Variants in SCAPER observed in about 807,000 individuals in gnomAD.
The protein encoded by SCAPER is S-phase cyclin A associated protein in the ER, also known as S phase cyclin A-associated protein in the endoplasmic reticulum.
Under a neutral mutation model 182.2 loss-of-function variants are expected in SCAPER, and 98 were observed. The observed-to-expected ratio is 0.54, with a 90% confidence interval of 0.46 to 0.64. The LOEUF (loss-of-function observed/expected upper bound fraction) is 0.64, where lower values mean the gene tolerates loss of function less well. Among genes scored for constraint, SCAPER ranks in the 30% least tolerant of loss-of-function variants. The pLI, the probability that SCAPER is intolerant of heterozygous loss-of-function variation, is 0.00. For synonymous variants in SCAPER, 605 were observed against 564.6 expected (o/e 1.07, Z -1.01); for missense variants, 1,432 against 1,690.0 (o/e 0.85, Z 2.68).
intron 22 of SCAPER, among the ~76,000 whole-genome samples, chr15:76,617,519 A>C (rs903693232): frequency 1.3e-5 from 2 of 152,212 alleles, no homozygotes; most frequent in South Asian, 4.1e-4. Context: ...CTCACCTAAC[A>C]TAACCAGCTA....
intron 20 of SCAPER, among the ~76,000 whole-genome samples, chr15:76,683,872 G>T (rs2147039115): frequency 6.6e-6 from 1 of 152,256 alleles, no homozygotes; most frequent in East Asian, 1.9e-4. Flanking sequence ...GGCTGAGGCA[G>T]GAGGACTGAC....
chr15:76,898,914 G>A (rs1464320187), intron 1 of SCAPER, among the ~76,000 whole-genome samples: 2 of 152,184 alleles, frequency 1.3e-5, no homozygotes, highest in African/African-American at 2.4e-5. Context: ...TTTATGGTAT[G>A]TGAAGTATAG....
chr15:76,659,472 A>G (rs1384226197), intron 21 of SCAPER, among the ~76,000 whole-genome samples: 5 of 152,112 alleles, frequency 3.3e-5, no homozygotes, highest in Non-Finnish European at 7.4e-5. Context: ...GTCTTGCTAT[A>G]TTGTCCAGGC....
At chr15:76,735,397 G>A (rs2061188665) in intron 15 of SCAPER, among the ~76,000 whole-genome samples, 1 of 151,798 alleles carries the variant, frequency 6.6e-6, no homozygotes, top group Non-Finnish European at 1.5e-5. Context: ...CAACAATTTG[G>A]AAGAAAATAA....
At chr15:76,677,888 G>C (rs1255865982) in intron 20 of SCAPER, among the ~76,000 whole-genome samples, 1 of 151,504 alleles carries the variant, frequency 6.6e-6, no homozygotes, top group Non-Finnish European at 1.5e-5. Context: ...TGACCAATAG[G>C]TTCATGATCT....
intron 4 of SCAPER, among the ~76,000 whole-genome samples, chr15:76,842,553 G>A (rs62029198): frequency 2.6e-5 from 4 of 152,132 alleles, no homozygotes; most frequent in Non-Finnish European, 4.4e-5. Context: ...GCTGAACTGT[G>A]AGTCAATTAA....
Position 76,753,905 on chromosome 15 carries a change from C to T in SCAPER, c.1769G>A (p.Arg590Gln), listed in dbSNP as rs1261962491. 4.3e-6 allele frequency: 7 copies of T among 1,613,030 alleles called. No individual in the cohort carries two copies. The highest frequency in any genetic ancestry group is 5.9e-6 in the Non-Finnish European group (7 of 1,179,274). ...RKWKEELLDQ[R>Q]RRMMEEKLLH... ...TAATTTTTCTTCCATCATCCTGCGT[C>T]GTTGATCTAGCAATTCTTCCTTCCA... is the stretch of plus-strand genomic sequence containing the variant. Residue 590 changes from arginine to glutamine, a missense_variant, in exon 15 of 32, where the codon CGA becomes CAA. By Grantham distance (43) the Arg-to-Gln change is conservative. Around this residue, in one of 5 missense-constraint regions of SCAPER, gnomAD observed 88 missense variants for 184.2 expected, o/e 0.48. Coordinates refer to ENST00000563290, the MANE Select transcript of SCAPER (RefSeq NM_020843.4).
intron 20 of SCAPER, among the ~76,000 whole-genome samples, chr15:76,692,788 G>C (rs2058446943): frequency 1.4e-5 from 2 of 147,584 alleles, no homozygotes; most frequent in South Asian, 4.3e-4. Flanking sequence ...CCAAGAAAGA[G>C]GTAAAAAGGA....
intron 29 of SCAPER, among the ~76,000 whole-genome samples, chr15:76,372,348 C>CT (rs1200102299): frequency 6.6e-6 from 1 of 152,178 alleles, no homozygotes; most frequent in Admixed American, 6.5e-5. Context: ...ATTTCATCTG[C>CT]TTTTTTTCCC....
intron 27 of SCAPER, among the ~76,000 whole-genome samples, chr15:76,381,995 C>T (rs552255195): frequency 6.6e-6 from 1 of 152,286 alleles, no homozygotes; most frequent in East Asian, 1.9e-4. Flanking sequence ...AGCTTCCTTT[C>T]TGGATATATA....
In SCAPER at chr15:76,353,801, T is replaced by A. The variant is rs1054391921; in HGVS notation, c.4047+148A>T. 50 of 616,654 alleles carry A rather than the reference T, an allele frequency of 8.1e-5. No individual in the cohort carries two copies. In the Admixed American group the frequency reaches 1.5e-3, roughly 19 times the overall value. The allele number at this position is 616,654 out of a possible 1,614,324, so 38.2% of individuals were successfully genotyped here. ...TAATATTTCAGAAACTATGCTGATA[T>A]TTTAGAAATCAATTTTGGAGCACAT... On this transcript the variant is annotated intron_variant, in intron 30 of 31. Coordinates refer to ENST00000563290, the MANE Select transcript of SCAPER (RefSeq NM_020843.4).
chr15:76,665,201 A>G (rs1255271184), intron 21 of SCAPER, among the ~76,000 whole-genome samples: 1 of 152,176 alleles, frequency 6.6e-6, no homozygotes, highest in Non-Finnish European at 1.5e-5. Context: ...TTTCCATTTT[A>G]AGATATTTCT....
chr15:76,465,490 C>T (rs574499027), intron 25 of SCAPER, among the ~76,000 whole-genome samples: 3 of 152,208 alleles, frequency 2.0e-5, no homozygotes, highest in South Asian at 4.1e-4. Flanking sequence ...ATCAGACATA[C>T]GGTTTACAAA....
chr15:76,654,178 T>G (rs541045515), intron 21 of SCAPER, among the ~76,000 whole-genome samples: 3 of 152,182 alleles, frequency 2.0e-5, no homozygotes, highest in South Asian at 4.2e-4. Context: ...CAAGGCGGGC[T>G]GATCACGAGG....
intron 17 of SCAPER, among the ~76,000 whole-genome samples, chr15:76,707,746 C>A (rs2059332567): frequency 6.6e-6 from 1 of 152,108 alleles, no homozygotes; most frequent in East Asian, 1.9e-4. Context: ...ATATCAATTA[C>A]CTTTACCTAA....
Position 76,443,816 on chromosome 15 carries a change from T to C in SCAPER, c.3079-9506A>G, listed in dbSNP as rs372947933. On this transcript the variant is annotated intron_variant, in intron 25 of 31. Coordinates refer to ENST00000563290, the MANE Select transcript of SCAPER (RefSeq NM_020843.4). The stretch of plus-strand genomic sequence containing the variant: ...GGGGATTAAGATCCTGAAGCACTTC[T>C]TGGAAGAACTGCAATAGGACATGGC... Among the ~76,000 whole-genome samples the C allele has an allele frequency of 1.5e-4, 23 of 152,342 alleles. No homozygotes were observed. In the East Asian group the frequency reaches 2.3e-3, roughly 15 times the overall value.
At chr15:76,555,531 T>G (rs1472206249) in intron 23 of SCAPER, among the ~76,000 whole-genome samples, 1 of 152,054 alleles carries the variant, frequency 6.6e-6, no homozygotes, top group Non-Finnish European at 1.5e-5. Context: ...GAAAAAAAGA[T>G]GGAGAAAAAT....
chr15:76,684,130 C>A (rs985890407), intron 20 of SCAPER, among the ~76,000 whole-genome samples: 11 of 151,986 alleles, frequency 7.2e-5, no homozygotes, highest in Non-Finnish European at 1.2e-4. Flanking sequence ...ACTATATAGA[C>A]CACCGACACT....
chr15:76,442,205 T>C (rs1459876604), intron 25 of SCAPER, among the ~76,000 whole-genome samples: 3 of 152,212 alleles, frequency 2.0e-5, no homozygotes, highest in Admixed American at 6.5e-5. Context: ...TCAGTTACTG[T>C]AGTCTATGAG....
Sources: gnomAD v4.1 joint callset for allele counts (sites outside exome capture counted in the v4.1 genomes callset) on GRCh38, gnomAD v4.1.1 for gene constraint, gnomAD v4.1.1 regional missense constraint, MANE v1.5 for transcripts, NCBI Gene and HGNC (gene_info 2026-07-23, HGNC 2026-07-21) for gene names.